RHAG: variants seen among roughly 807,000 people sequenced by gnomAD.
The protein encoded by RHAG is Rh associated glycoprotein.
A neutral mutation model predicts 42.4 loss-of-function variants in RHAG; 25 were observed. The observed-to-expected ratio is 0.59, with a 90% CI of 0.43 to 0.82. The LOEUF (loss-of-function observed/expected upper bound fraction) is 0.82, where lower values mean the gene tolerates loss of function less well. RHAG is among the 40% of genes least tolerant of loss of function. The pLI is 0.00. For synonymous variants in RHAG, 182 were observed against 177.7 expected (o/e 1.02, Z -0.19); for missense variants, 483 against 504.6 (o/e 0.96, Z 0.41).
At chr6:49,612,732 G>C (rs186476154) in intron 5 of RHAG, among the ~76,000 whole-genome samples, 198 bp from the exon 6 acceptor site, 1 of 152,166 alleles carries the variant, frequency 6.6e-6, no homozygotes, top group Non-Finnish European at 1.5e-5. Context: ...CTTTCTTGCC[G>C]GTCCCTTGGT....
chr6:49,623,318 C>T (rs1762794559), intron 1 of RHAG, among the ~76,000 whole-genome samples: 1 of 151,966 alleles, frequency 6.6e-6, no homozygotes, highest in South Asian at 2.1e-4. Context: ...ATAATGATTC[C>T]GTGTGAAATA....
chr6:49,615,943 T>C (rs181765093), intron 3 of RHAG, among the ~76,000 whole-genome samples, 172 bp from the exon 4 acceptor site: 26 of 152,274 alleles, frequency 1.7e-4, no homozygotes, highest in African/African-American at 5.3e-4. Context: ...ACAGAAATAG[T>C]ACAGAATTTG....
In RHAG at chr6:49,636,696, G is replaced by A. The variant is rs753610631; in HGVS notation, c.117C>T (p.Thr39=). Residue 39 remains threonine, a synonymous_variant, in exon 1 of 10, where the codon ACC becomes ACT. Transcript: ENST00000371175. ...AGAATATGCCCATGTCTGTTGGCTTGGTGATGTTGAGCTGCTCGAGAACAG... is the reference window on the plus strand; with the variant it reads ...AGAATATGCCCATGTCTGTTGGCTTAGTGATGTTGAGCTGCTCGAGAACAG... ...DQTVLEQLNI[T]KPTDMGIFFE... 1.2e-6 allele frequency: 2 copies of A among 1,613,952 alleles called. No homozygotes were observed. Among genetic ancestry groups the A allele is most frequent in the African/African-American group, 2.7e-5 (2 of 75,024 alleles).
chr6:49,611,359 T>C (rs2127350760), intron 6 of RHAG, among the ~76,000 whole-genome samples: 1 of 152,354 alleles, frequency 6.6e-6, no homozygotes, highest in African/African-American at 2.4e-5. Flanking sequence ...TCCAACATCT[T>C]ACATAGTTAC....
chr6:49,630,003 CCT>C (rs1762910669), intron 1 of RHAG, among the ~76,000 whole-genome samples: 2 of 152,218 alleles, frequency 1.3e-5, no homozygotes, highest in Non-Finnish European at 2.9e-5. Context: ...CCCACAGTGC[CCT>C]GGTGGGCTGA....
chr6:49,615,533 T>C, intron 4 of RHAG, 91 bp downstream of exon 4: 2 of 1,446,964 alleles, frequency 1.4e-6, no homozygotes, highest in South Asian at 2.3e-5. Context: ...GCTTGGATGT[T>C]CTTTTTGAGC....
intron 3 of RHAG, 57 bp from the exon 4 acceptor site, chr6:49,615,828 G>A (rs1762643669): frequency 1.3e-6 from 2 of 1,546,134 alleles, no homozygotes; most frequent in Non-Finnish European, 1.8e-6. Context: ...TCATTTATGG[G>A]AGGAAAGTCA....
At chr6:49,622,309 C>A (rs538164471) in intron 1 of RHAG, among the ~76,000 whole-genome samples, 2 of 151,866 alleles carry the variant, frequency 1.3e-5, no homozygotes, top group South Asian at 2.1e-4. Context: ...CTCCACCTCC[C>A]GGGCTCAAGT....
At chr6:49,615,598 A>G in intron 4 of RHAG, 26 bp downstream of exon 4, 1 of 1,613,610 alleles carries the variant, frequency 6.2e-7, no homozygotes, top group African/African-American at 1.3e-5. Context: ...AATAGATAAG[A>G]TTCAAGCAAG....
At chr6:49,617,285 C>T (rs968838467) in intron 3 of RHAG, among the ~76,000 whole-genome samples, 2 of 152,216 alleles carry the variant, frequency 1.3e-5, no homozygotes, top group Admixed American at 6.5e-5. Flanking sequence ...CTCCTTGATT[C>T]TACAATCTAA....
chr6:49,610,967 G>A (rs915231589), intron 7 of RHAG, 57 bp downstream of exon 7: 2 of 1,604,002 alleles, frequency 1.2e-6, no homozygotes, highest in Admixed American at 3.3e-5. Context: ...CCATTTCTCA[G>A]AGTGAGAGAA....
intron 1 of RHAG, among the ~76,000 whole-genome samples, chr6:49,629,244 C>T (rs1020959676): frequency 1.5e-4 from 23 of 151,874 alleles, no homozygotes; most frequent in African/African-American, 5.3e-4. Context: ...TACAGAGTGC[C>T]GATTGGTGTA....
At chr6:49,624,201 A>G (rs1033269490) in intron 1 of RHAG, among the ~76,000 whole-genome samples, 3 of 152,124 alleles carry the variant, frequency 2.0e-5, no homozygotes, top group South Asian at 4.2e-4. Context: ...TATTATTTTT[A>G]TTAATTAATT....
chr6:49,632,940 A>C (rs1218943424), intron 1 of RHAG, among the ~76,000 whole-genome samples: 1 of 152,088 alleles, frequency 6.6e-6, no homozygotes, highest in African/African-American at 2.4e-5. Flanking sequence ...GAAGCCAAAA[A>C]CCATGGAGTA....
intron 6 of RHAG, 125 bp from the exon 7 acceptor site, chr6:49,611,270 G>A: frequency 1.4e-6 from 1 of 727,360 alleles, no homozygotes; most frequent in Non-Finnish European, 2.2e-6. Context: ...TAATTTTTAT[G>A]TATATTTAAG....
intron 4 of RHAG, 128 bp downstream of exon 4, chr6:49,615,496 G>A: frequency 4.7e-6 from 5 of 1,062,834 alleles, no homozygotes; most frequent in Non-Finnish European, 7.2e-6. Flanking sequence ...GAGTAGCTGA[G>A]GATACAGTCG....
In RHAG at chr6:49,606,833, A is replaced by C. The variant is rs767101302; in HGVS notation, c.1212+15T>G. 54 of 1,548,324 alleles carry C rather than the reference A, an allele frequency of 3.5e-5. No homozygotes were observed. In the South Asian group the frequency reaches 5.6e-4, roughly 16 times the overall value. On this transcript the variant is annotated intron_variant, in intron 9 of 9. Transcript: ENST00000371175. ...AGTCATCGTTCACATTCTTGTTTAG[A>C]ATACTGTACAGTACCTTCCAATAAA...
intron 7 of RHAG, among the ~76,000 whole-genome samples, chr6:49,607,758 C>T (rs1004136497): frequency 8.5e-5 from 13 of 152,064 alleles, no homozygotes; most frequent in Admixed American, 7.9e-4. Context: ...GATAAAAGGC[C>T]ATTGAAGTGC....
intron 1 of RHAG, among the ~76,000 whole-genome samples, chr6:49,625,474 G>C (rs1334717545): frequency 2.0e-5 from 3 of 152,160 alleles, no homozygotes; most frequent in Admixed American, 1.3e-4. Flanking sequence ...CAGTGCCTAT[G>C]ACAAATTAAG....
Sources: gnomAD v4.1 joint callset for allele counts (sites outside exome capture counted in the v4.1 genomes callset) on GRCh38, gnomAD v4.1.1 for gene constraint, MANE v1.5 for transcripts, NCBI Gene and HGNC (gene_info 2026-07-23, HGNC 2026-07-21) for gene names.